ANKRD11: variants seen among roughly 807,000 people sequenced by gnomAD.
The protein encoded by ANKRD11 is ankyrin repeat domain 11.
ANKRD11 carries 17 observed loss-of-function variants against 195.7 expected under a neutral mutation model. The observed-to-expected ratio is 0.09, with a 90% CI of 0.06 to 0.13. ANKRD11 has a LOEUF of 0.13. Among genes scored for constraint, ANKRD11 ranks in the 10% least tolerant of loss-of-function variants. ANKRD11 has a pLI of 1.00. For synonymous variants in ANKRD11, 1,953 were observed against 1,528.1 expected, an observed-to-expected ratio of 1.28 and a Z score of -6.49; for missense variants, 3,735 against 3,566.1, an observed-to-expected ratio of 1.05 and a Z score of -1.21.
In ANKRD11 at chr16:89,281,760, G is replaced by T; in HGVS notation, c.4782C>A (p.Ile1594=). 1 of 1,613,898 alleles carries T rather than the reference G, an allele frequency of 6.2e-7. No individual in the cohort carries two copies. The highest frequency in any genetic ancestry group is 8.5e-7 in the Non-Finnish European group (1 of 1,179,986). ...ERMLSQKDLE[I]EERHKRHKER... ...CCTTGTGCCGCTTGTGGCGCTCCTCGATCTCCAGGTCCTTCTGGGACAGCA... is the reference window on the plus strand; with the variant it reads ...CCTTGTGCCGCTTGTGGCGCTCCTCTATCTCCAGGTCCTTCTGGGACAGCA... The change falls in exon 9 of 13, where the codon ATC becomes ATA. Residue 1594 remains isoleucine, a synonymous_variant. Transcript: ENST00000301030. The surrounding 1 kb of genome is among the most constrained non-coding windows in gnomAD (Gnocchi z 5.5).
In ANKRD11 at chr16:89,284,090, A is replaced by C; in HGVS notation, c.2452T>G (p.Cys818Gly). ...TTCTCCAGAAACTGATTTTTGTTACAATATTCGTCAAAAGCAGAATCTTCC... is the reference window on the plus strand; with the variant it reads ...TTCTCCAGAAACTGATTTTTGTTACCATATTCGTCAAAAGCAGAATCTTCC... ...YREDSAFDEY[C>G]NKNQFLENED... The change falls in exon 9 of 13, where the codon TGT (cysteine) becomes GGT (glycine). Residue 818 changes from cysteine to glycine, a missense_variant. By Grantham distance (159) the Cys-to-Gly change is radical. Coordinates refer to ENST00000301030, the MANE Select transcript of ANKRD11 (RefSeq NM_013275.6). 6.2e-7 allele frequency: 1 copy of C among 1,614,020 alleles called. No individual in the cohort carries two copies. Among genetic ancestry groups the C allele is most frequent in the Non-Finnish European group, 8.5e-7 (1 of 1,179,920 alleles).
intron 1 of ANKRD11, among the ~76,000 whole-genome samples, chr16:89,423,480 C>A (rs536644381): frequency 6.2e-4 from 95 of 152,336 alleles, no homozygotes; most frequent in African/African-American, 2.2e-3. Context: ...GAGACTAGTG[C>A]GGAGCTGTGG....
At chr16:89,305,457 C>T in intron 3 of ANKRD11, 113 bp from the exon 4 acceptor site, 1 of 1,418,236 alleles carries the variant, frequency 7.1e-7, no homozygotes, top group Admixed American at 1.9e-5. Context: ...CAATGAACAC[C>T]CTCCCTGCAC....
At chr16:89,289,259 A>G (rs1167980207) in intron 6 of ANKRD11, among the ~76,000 whole-genome samples, 1 of 152,124 alleles carries the variant, frequency 6.6e-6, no homozygotes, top group Admixed American at 6.5e-5. Context: ...GCACTGCTCT[A>G]GAGAAGTTTC....
chr16:89,444,100 C>A (rs979498721), intron 1 of ANKRD11, among the ~76,000 whole-genome samples: 3 of 152,050 alleles, frequency 2.0e-5, no homozygotes, highest in East Asian at 3.8e-4. Context: ...CAACTCACTT[C>A]GGTATTTTAC....
intron 1 of ANKRD11, among the ~76,000 whole-genome samples, chr16:89,474,332 A>G (rs2057184809): frequency 6.6e-6 from 1 of 151,982 alleles, no homozygotes. Context: ...AAATAAATAC[A>G]CTGGCCTGGC....
chr16:89,411,139 A>AG (rs2042095710), intron 2 of ANKRD11, among the ~76,000 whole-genome samples: 1 of 152,260 alleles, frequency 6.6e-6, no homozygotes, highest in African/African-American at 2.4e-5. Context: ...GCAGCAGCAC[A>AG]GGGGCTCGGG....
chr16:89,352,660 A>G (rs2039277214), intron 2 of ANKRD11, among the ~76,000 whole-genome samples: 1 of 152,314 alleles, frequency 6.6e-6, no homozygotes, highest in Non-Finnish European at 1.5e-5. Context: ...CATCAGCACC[A>G]AAGTGTTCTG....
At position 89,283,018 on chromosome 16, in the gene ANKRD11, C is replaced by T. The variant is rs746754328; in HGVS notation, c.3524G>A (p.Arg1175Lys). 3 of 1,613,856 alleles carry T rather than the reference C, an allele frequency of 1.9e-6. No individual in the cohort carries two copies. Among genetic ancestry groups the T allele is most frequent in the East Asian group, 2.2e-5 (1 of 44,848 alleles). Residue 1175 changes from arginine (R) to lysine (K), a missense_variant, in exon 9 of 13, where the codon AGG becomes AAG. Physicochemically the swap from Arg to Lys is conservative, Grantham distance 26. Coordinates refer to ENST00000301030, the MANE Select transcript of ANKRD11 (RefSeq NM_013275.6). The surrounding 1 kb of genome is among the most constrained non-coding windows in gnomAD (Gnocchi z 4.3). ...GTCTCTGGGCTCCTTGTCCTTCTGC[C>T]TCTCAGGGTGCTGCTTGTCAGAAGA... The part of the protein sequence containing the change: ...RKSSDKQHPE[R>K]QKDKEPRDRR...
Position 89,283,357 on chromosome 16 carries a change from G to T in ANKRD11, c.3185C>A (p.Thr1062Asn). The change falls in exon 9 of 13, where the codon ACC (threonine) becomes AAC (asparagine). Residue 1062 changes from threonine to asparagine, a missense_variant. Transcript: ENST00000301030. This position sits in a 1 kb window ranked among gnomAD's most constrained non-coding sequence, Gnocchi z 4.3. ...ATGTGTGTCTTTATGTTTTTCCTTG[G>T]TATCTTTTTTCTCTTTAAAACATTT... ...FDKCFKEKKD[T>N]KEKHKDTHGK... is the part of the protein sequence containing the mutation. The T allele has an allele frequency of 6.2e-7, 1 of 1,613,566 alleles. No individual in the cohort carries two copies. Among genetic ancestry groups the T allele is most frequent in the Non-Finnish European group, 8.5e-7 (1 of 1,179,998 alleles).
chr16:89,490,450 C>G lies in ANKRD11; in HGVS notation c.-350G>C, dbSNP rs1277055175. 1 of 368,996 alleles carries G rather than the reference C, an allele frequency of 2.7e-6. No homozygotes were observed. Among genetic ancestry groups the G allele is most frequent in the East Asian group, 4.2e-5 (1 of 24,086 alleles). The allele number at this position is 368,996 out of a possible 1,614,324, so 22.9% of individuals were successfully genotyped here. The stretch of plus-strand genomic sequence containing the variant: ...GGCGCGCCCACGGCTCGGGCGAGAG[C>G]CGCGGCTCCCGGTGCGGACGCTACT... On this transcript the variant is annotated 5_prime_UTR_variant, in exon 1 of 13. Coordinates refer to ENST00000301030, the MANE Select transcript of ANKRD11 (RefSeq NM_013275.6).
intron 11 of ANKRD11, chr16:89,271,511 C>G (rs2033152560): frequency 6.1e-6 from 1 of 162,728 alleles, no homozygotes; most frequent in Non-Finnish European, 1.4e-5. Context: ...GGCTCCTCCC[C>G]TTTTTCACGG....
At position 89,455,007 on chromosome 16, in the gene ANKRD11, C is replaced by A. The variant is rs527623895; in HGVS notation, c.-145+35238G>T. On this transcript the variant is annotated intron_variant, in intron 1 of 12. Transcript: ENST00000301030. The stretch of plus-strand genomic sequence containing the variant: ...TTCTAGGGTTCCTCAAGCTGCTCCC[C>A]TGGGTGCTGTTAGGGTTCCTCAAGC... Among the ~76,000 whole-genome samples the A allele has an allele frequency of 6.0e-3, 556 of 93,402 alleles. 5 individuals are homozygous for A. The highest frequency in any genetic ancestry group is 0.022 in the African/African-American group (499 of 22,208). 61.3% of individuals were successfully genotyped at this position (93,402 alleles called of 152,430 possible). A position where few individuals can be genotyped will look rare whatever the true frequency, so the allele number is the denominator to read the frequency against.
At chr16:89,388,967 T>C (rs1487750533) in intron 2 of ANKRD11, among the ~76,000 whole-genome samples, 1 of 152,188 alleles carries the variant, frequency 6.6e-6, no homozygotes, top group Non-Finnish European at 1.5e-5. Context: ...AATATACAAT[T>C]ATCCAGCACA....
intron 2 of ANKRD11, among the ~76,000 whole-genome samples, chr16:89,337,169 G>C (rs1242448135): frequency 3.3e-5 from 5 of 152,028 alleles, no homozygotes; most frequent in South Asian, 2.1e-4. Flanking sequence ...CTGGGCAACA[G>C]AGTGAGACCC....
At chr16:89,317,871 G>A (rs1398465748) in intron 2 of ANKRD11, among the ~76,000 whole-genome samples, 1 of 152,082 alleles carries the variant, frequency 6.6e-6, no homozygotes, top group Non-Finnish European at 1.5e-5. Context: ...ATAGCCAAGG[G>A]CTCCCATGCA....
At chr16:89,369,706 T>G (rs1329617609) in intron 2 of ANKRD11, among the ~76,000 whole-genome samples, 1 of 152,206 alleles carries the variant, frequency 6.6e-6, no homozygotes. Flanking sequence ...CATCTGCATC[T>G]GTGATCAACT....
At chr16:89,434,397 T>C (rs979790691) in intron 1 of ANKRD11, among the ~76,000 whole-genome samples, 1 of 152,222 alleles carries the variant, frequency 6.6e-6, no homozygotes, top group Non-Finnish European at 1.5e-5. Flanking sequence ...CATACTCTTC[T>C]TCTCCACGCA....
Position 89,474,180 on chromosome 16 carries a change from A to G in ANKRD11, c.-145+16065T>C, listed in dbSNP as rs375216793. Reference sequence around the variant, plus strand: ...ATCCCCCACTCGAGCCTCTGATAAGATCACAGTCCCACCCAACACCTAGAT... The same window carrying G: ...ATCCCCCACTCGAGCCTCTGATAAGGTCACAGTCCCACCCAACACCTAGAT... On this transcript the variant is annotated intron_variant, in intron 1 of 12. Transcript: ENST00000301030. Among the ~76,000 whole-genome samples the G allele has an allele frequency of 6.6e-4, 101 of 152,286 alleles. 2 individuals are homozygous for G. In the South Asian group the frequency reaches 0.02, roughly 30 times the overall value.
Sources: allele counts gnomAD v4.1 joint callset (sites outside exome capture counted in the v4.1 genomes callset), GRCh38; gene constraint gnomAD v4.1.1; non-coding constraint Gnocchi (gnomAD v3.1); transcripts MANE v1.5; gene names NCBI Gene and HGNC (gene_info 2026-07-23, HGNC 2026-07-21).